Variants in SLC35A1 observed in about 807,000 individuals in gnomAD.
SLC35A1 encodes CMP-sialic acid transporter.
Under a neutral mutation model 40.3 loss-of-function variants are expected in SLC35A1, and 21 were observed. That is an observed-to-expected ratio of 0.52 (90% CI 0.37 to 0.75). The LOEUF (loss-of-function observed/expected upper bound fraction) is 0.75. Ranked by LOEUF, SLC35A1 falls within the 30% of genes least tolerant of loss-of-function variation. The pLI is 0.00. For synonymous variants in SLC35A1, 146 were observed against 147.3 expected (o/e 0.99, Z 0.06); for missense variants, 297 against 382.1 (o/e 0.78, Z 1.86).
intron 2 of SLC35A1, among the ~76,000 whole-genome samples, chr6:87,480,875 C>T (rs1305111401): frequency 6.6e-6 from 1 of 152,032 alleles, no homozygotes; most frequent in Non-Finnish European, 1.5e-5. Context: ...TGTGATGTGT[C>T]CATCCCCCTT....
intron 4 of SLC35A1, among the ~76,000 whole-genome samples, chr6:87,504,934 C>A (rs1770032597): frequency 6.6e-6 from 1 of 152,194 alleles, no homozygotes; most frequent in Non-Finnish European, 1.5e-5. Flanking sequence ...AATGTATAGT[C>A]TATAGCAGTG....
At chr6:87,489,722 A>G (rs532361941) in intron 2 of SLC35A1, among the ~76,000 whole-genome samples, 7 of 151,376 alleles carry the variant, frequency 4.6e-5, no homozygotes, top group Non-Finnish European at 8.8e-5. Flanking sequence ...TTATATTTCT[A>G]GTAGAGACAG....
chr6:87,495,371 A>G (rs1769695192), intron 2 of SLC35A1, among the ~76,000 whole-genome samples: 1 of 152,230 alleles, frequency 6.6e-6, no homozygotes, highest in South Asian at 2.1e-4. Flanking sequence ...CAAACCAAAT[A>G]TATCTTAACT....
intron 2 of SLC35A1, among the ~76,000 whole-genome samples, chr6:87,492,787 C>T (rs947277558): frequency 6.6e-5 from 10 of 151,888 alleles, no homozygotes; most frequent in African/African-American, 1.5e-4. Flanking sequence ...TGACCTCAGG[C>T]GATGCACCCA....
chr6:87,495,618 C>G (rs755710799), intron 2 of SLC35A1, among the ~76,000 whole-genome samples: 13 of 151,370 alleles, frequency 8.6e-5, no homozygotes, highest in Non-Finnish European at 8.8e-5. Context: ...TCAAATTGAC[C>G]TCATTATTGG....
chr6:87,476,435 T>C (rs1769072028), intron 1 of SLC35A1, among the ~76,000 whole-genome samples: 1 of 152,266 alleles, frequency 6.6e-6, no homozygotes, highest in Admixed American at 6.5e-5. Flanking sequence ...ATTTAAAATA[T>C]GTGCTGGGGC....
rs1198253515 is a variant in SLC35A1, at chr6:87,511,807, G to T, written c.*281G>T. 2 of 399,652 alleles carry T rather than the reference G, an allele frequency of 5.0e-6. No homozygotes were observed. Among genetic ancestry groups the T allele is most frequent in the Non-Finnish European group, 9.4e-6 (2 of 212,670 alleles). 24.8% of individuals were successfully genotyped at this position (399,652 alleles called of 1,614,324 possible). A position where few individuals can be genotyped will look rare whatever the true frequency, so the allele number is the denominator to read the frequency against. On this transcript the variant is annotated 3_prime_UTR_variant, in exon 8 of 8. Coordinates refer to ENST00000369552, the MANE Select transcript of SLC35A1 (RefSeq NM_006416.5). ...TAAATAAAAAGTATGGAGATGATAC[G>T]GTGTTAAAAAAAATCATGGTAAGGC...
chr6:87,478,047 GTTT>G (rs1299380355), intron 2 of SLC35A1, among the ~76,000 whole-genome samples: 1 of 152,142 alleles, frequency 6.6e-6, no homozygotes, highest in Non-Finnish European at 1.5e-5. Flanking sequence ...TGTGCTATGT[GTTT>G]TTTGTGTTTT....
rs114091674 is a variant in SLC35A1 at position 87,498,600 on chromosome 6, G to A, written c.195-1908G>A. On this transcript the variant is annotated intron_variant, in intron 2 of 7. Transcript: ENST00000369552. ...ACCAGCCTGCCAACATGGAAACCCC[G>A]TCTCTACCAAAAATACAAAAATAAG... 5.6e-3 allele frequency among the ~76,000 whole-genome samples: 856 copies of A among 152,004 alleles called. 11 individuals carry two copies. The highest frequency in any genetic ancestry group is 0.02 in the African/African-American group (823 of 41,452).
intron 2 of SLC35A1, chr6:87,496,273 C>A (rs1769722183): frequency 6.6e-6 from 1 of 151,980 alleles, no homozygotes; most frequent in Non-Finnish European, 1.5e-5. Context: ...TTCAGGTAAC[C>A]AAAGGTTGCA....
chr6:87,476,834 T>G (rs1301181735), intron 1 of SLC35A1, among the ~76,000 whole-genome samples: 2 of 152,260 alleles, frequency 1.3e-5, no homozygotes, highest in Non-Finnish European at 2.9e-5. Context: ...GACACCAGCC[T>G]GGCCAACATG....
At chr6:87,503,486 G>A (rs749761412) in intron 4 of SLC35A1, among the ~76,000 whole-genome samples, 46 of 152,066 alleles carry the variant, frequency 3.0e-4, no homozygotes, top group Non-Finnish European at 4.0e-4. Flanking sequence ...GTGGCTGGTC[G>A]CAGATCACCA....
intron 2 of SLC35A1, chr6:87,499,029 G>T: frequency 1.7e-6 from 1 of 573,288 alleles, no homozygotes; most frequent in South Asian, 7.7e-5. Flanking sequence ...TGTGGTGTGG[G>T]TTTGGATTTG....
intron 2 of SLC35A1, among the ~76,000 whole-genome samples, chr6:87,482,573 GTT>G (rs1156480537): frequency 2.0e-5 from 3 of 152,184 alleles, no homozygotes; most frequent in Non-Finnish European, 4.4e-5. Context: ...TTCTATAAGA[GTT>G]TCCCTATCAC....
At chr6:87,505,500 A>T (rs1262090922) in intron 4 of SLC35A1, among the ~76,000 whole-genome samples, 4 of 152,166 alleles carry the variant, frequency 2.6e-5, no homozygotes, top group African/African-American at 7.2e-5. Context: ...AATCTTCTTT[A>T]TTCATTTAGT....
chr6:87,478,566 C>T (rs1769145965), intron 2 of SLC35A1, among the ~76,000 whole-genome samples: 1 of 152,108 alleles, frequency 6.6e-6, no homozygotes, highest in African/African-American at 2.4e-5. Flanking sequence ...TGTTACACGA[C>T]ATTGTGATTG....
At position 87,484,814 on chromosome 6, in the gene SLC35A1, A is replaced by T. The variant is rs190161136; in HGVS notation, c.194+7275A>T. Among the ~76,000 whole-genome samples the T allele has an allele frequency of 6.8e-4, 103 of 152,308 alleles. 1 individual carries two copies. Among genetic ancestry groups the T allele is most frequent in the Admixed American group, 6.7e-3 (103 of 15,282 alleles). On this transcript the variant is annotated intron_variant, in intron 2 of 7. Coordinates refer to ENST00000369552, the MANE Select transcript of SLC35A1 (RefSeq NM_006416.5). ...TTAAGTTTAAAAGTAGAAGGCAAAG[A>T]ATTGAACGTACTGACATGCTGATTC...
In SLC35A1 at chr6:87,477,371, C is replaced by T. The variant is rs1769106329; in HGVS notation, c.26C>T (p.Thr9Ile). The T allele has an allele frequency of 6.2e-7, 1 of 1,612,832 alleles. No individual in the cohort carries two copies. Among genetic ancestry groups the T allele is most frequent in the African/African-American group, 1.3e-5 (1 of 74,896 alleles). Residue 9 changes from threonine (T) to isoleucine (I), a missense_variant, in exon 2 of 8, where the codon ACT becomes ATT. Coordinates refer to ENST00000369552, the MANE Select transcript of SLC35A1 (RefSeq NM_006416.5). The part of the protein sequence containing the change: MAAPRDNV[T>I]LLFKLYCLAV... ...TGCACGTATTTTCCAGACAATGTCA[C>T]TTTATTATTCAAGTTATACTGCTTG...
chr6:87,499,925 G>A (rs1010028720), intron 2 of SLC35A1, among the ~76,000 whole-genome samples: 1 of 152,050 alleles, frequency 6.6e-6, no homozygotes, highest in Non-Finnish European at 1.5e-5. Flanking sequence ...AAACCAGCCT[G>A]GCCAACAATA....
Sources: gnomAD v4.1 joint callset for allele counts (sites outside exome capture counted in the v4.1 genomes callset) on GRCh38, gnomAD v4.1.1 for gene constraint, MANE v1.5 for transcripts, NCBI Gene and HGNC (gene_info 2026-07-23, HGNC 2026-07-21) for gene names.